NAA60: variants seen among roughly 807,000 people sequenced by gnomAD.
The protein encoded by NAA60 is N-alpha-acetyltransferase 60, NatF catalytic subunit, also known as N-alpha-acetyltransferase 60.
In NAA60, 8 loss-of-function variants were observed where a neutral mutation model predicts 26.1. The ratio of observed to expected loss-of-function variants is 0.31; its 90% CI spans 0.18 to 0.55. The LOEUF is 0.55. Among genes scored for constraint, NAA60 ranks in the 20% least tolerant of loss-of-function variants. The pLI is 0.93. For synonymous variants in NAA60, 131 were observed against 122.5 expected (o/e 1.07, Z -0.46); for missense variants, 290 against 311.3 (o/e 0.93, Z 0.51).
chr16:3,462,462 C>G (rs2035473433), intron 2 of NAA60: 1 of 152,176 alleles, frequency 6.6e-6, no homozygotes, highest in Non-Finnish European at 1.5e-5. Flanking sequence ...AGAGATTATT[C>G]TTTCCAGAGT....
intron 3 of NAA60, among the ~76,000 whole-genome samples, chr16:3,477,101 C>T (rs1043886022): frequency 4.0e-5 from 6 of 151,620 alleles, no homozygotes; most frequent in Admixed American, 2.6e-4. Context: ...GTATGTACCA[C>T]GATCCTATTT....
intron 4 of NAA60, among the ~76,000 whole-genome samples, chr16:3,479,819 C>G (rs1470371340): frequency 6.6e-6 from 1 of 152,146 alleles, no homozygotes; most frequent in African/African-American, 2.4e-5. Flanking sequence ...TGCCCAGCAG[C>G]AGGCTTCATA....
intron 2 of NAA60, among the ~76,000 whole-genome samples, chr16:3,451,856 T>G (rs768359268): frequency 6.6e-6 from 1 of 151,220 alleles, no homozygotes; most frequent in Non-Finnish European, 1.5e-5. Context: ...AGGCAGAAAT[T>G]GCAGTGAGCT....
chr16:3,482,032 G>A (rs17136443), intron 4 of NAA60, among the ~76,000 whole-genome samples: 4,636 of 152,154 alleles, frequency 0.03, 218 homozygotes, highest in African/African-American at 0.11. Flanking sequence ...TTGGACGGCC[G>A]CCCAAGTCTC....
At chr16:3,469,085 C>CAA (rs57070540) in intron 2 of NAA60, among the ~76,000 whole-genome samples, 18,323 of 128,900 alleles carry the variant, frequency 0.14, 1,489 homozygotes, top group Non-Finnish European at 0.2. Flanking sequence ...GACAACATCT[C>CAA]AAAAAAAAAA....
chr16:3,464,624 A>G (rs535282254), intron 2 of NAA60, among the ~76,000 whole-genome samples: 105 of 152,282 alleles, frequency 6.9e-4, no homozygotes, highest in African/African-American at 2.3e-3. Context: ...AACAGGGTCC[A>G]GTCTTGGGTG....
At chr16:3,456,043 TC>T (rs149154822) in intron 2 of NAA60, among the ~76,000 whole-genome samples, 12,892 of 152,180 alleles carry the variant, frequency 0.085, 753 homozygotes, top group South Asian at 0.17. Context: ...TACATGCTGT[TC>T]TGTTTGCCAG....
intron 2 of NAA60, among the ~76,000 whole-genome samples, chr16:3,453,135 G>T (rs1251286538): frequency 6.6e-6 from 1 of 151,930 alleles, no homozygotes; most frequent in Non-Finnish European, 1.5e-5. Context: ...TTTTACTCAC[G>T]CCTGTAATCC....
At chr16:3,468,440 G>A (rs561897085) in intron 2 of NAA60, among the ~76,000 whole-genome samples, 3 of 152,180 alleles carry the variant, frequency 2.0e-5, no homozygotes, top group African/African-American at 7.2e-5. Context: ...TTGATCAGGG[G>A]GCTCAGCTTG....
At position 3,447,626 on chromosome 16, in the gene NAA60, C is replaced by G. The variant is rs1009155096; in HGVS notation, c.-76-845C>G. ...CCTACACTAAGGGGGCCTAGGTAAG[C>G]AAGATTATCTTTCTCCCAACTTCAG... On this transcript the variant is annotated intron_variant, in intron 1 of 7. Transcript: ENST00000407558. The G allele has an allele frequency of 1.0e-5, 10 of 985,384 alleles. No homozygotes were observed. In the East Asian group the frequency reaches 5.7e-4, roughly 56 times the overall value. 61.0% of individuals were successfully genotyped at this position (985,384 alleles called of 1,614,324 possible).
intron 2 of NAA60, chr16:3,458,044 C>T (rs1412859146): frequency 1.0e-6 from 1 of 985,146 alleles, no homozygotes. Flanking sequence ...CGCGGGCTGC[C>T]GCCTCCGTCC....
intron 2 of NAA60, among the ~76,000 whole-genome samples, chr16:3,461,896 T>C (rs906139941): frequency 6.6e-6 from 1 of 152,028 alleles, no homozygotes; most frequent in Non-Finnish European, 1.5e-5. Context: ...GAGAGCGGCC[T>C]GGGCAACATA....
At chr16:3,482,171 G>A (rs2036878487) in intron 4 of NAA60, among the ~76,000 whole-genome samples, 1 of 152,228 alleles carries the variant, frequency 6.6e-6, no homozygotes, top group Non-Finnish European at 1.5e-5. Flanking sequence ...CCCGCGTGGT[G>A]CTGTGTAGTT....
chr16:3,465,284 GAAA>G (rs2035676652), intron 2 of NAA60, among the ~76,000 whole-genome samples: 10 of 144,612 alleles, frequency 6.9e-5, no homozygotes, highest in African/African-American at 1.9e-4. Context: ...AAAAAAAAAA[GAAA>G]AGAAAAAAGG....
At chr16:3,464,174 C>G (rs2035593722) in intron 2 of NAA60, among the ~76,000 whole-genome samples, 1 of 152,212 alleles carries the variant, frequency 6.6e-6, no homozygotes, top group African/African-American at 2.4e-5. Flanking sequence ...GCTGGGATTA[C>G]AGCCACCATG....
intron 1 of NAA60, among the ~76,000 whole-genome samples, chr16:3,444,202 G>C (rs2034457196): frequency 6.6e-6 from 1 of 152,134 alleles, no homozygotes; most frequent in Admixed American, 6.5e-5. Flanking sequence ...GCCTACCCTA[G>C]AGCCAGTCAT....
chr16:3,471,755 C>T lies in NAA60; in HGVS notation c.-6-4467C>T, dbSNP rs187969557. 3.2e-3 allele frequency among the ~76,000 whole-genome samples: 484 copies of T among 152,180 alleles called. 2 individuals carry two copies. Among genetic ancestry groups the T allele is most frequent in the African/African-American group, 0.011 (454 of 41,496 alleles). On this transcript the variant is annotated intron_variant, in intron 2 of 7. Coordinates refer to ENST00000407558, the MANE Select transcript of NAA60 (RefSeq NM_001083601.3). ...TCAGAGCCAGCTGGCCCTGCAGGAG[C>T]TCAGAAACCTGGGCGGCTGGGCCTA... is the stretch of plus-strand genomic sequence containing the variant.
At chr16:3,448,242 C>T (rs1206409586) in intron 1 of NAA60, among the ~76,000 whole-genome samples, 1 of 146,846 alleles carries the variant, frequency 6.8e-6, no homozygotes, top group Non-Finnish European at 1.5e-5. Context: ...CCACTGCACT[C>T]CAGCTTGGAT....
chr16:3,469,824 G>C (rs575730382), intron 2 of NAA60, among the ~76,000 whole-genome samples: 2 of 152,370 alleles, frequency 1.3e-5, no homozygotes, highest in South Asian at 2.1e-4. Flanking sequence ...CCAGGGCTTT[G>C]TTCACACAGG....
Sources: gnomAD v4.1 joint callset for allele counts (sites outside exome capture counted in the v4.1 genomes callset) on GRCh38, gnomAD v4.1.1 for gene constraint, MANE v1.5 for transcripts, NCBI Gene and HGNC (gene_info 2026-07-23, HGNC 2026-07-21) for gene names.